Variants in NUBP2 observed in about 807,000 individuals in gnomAD.
The protein encoded by NUBP2 is NUBP iron-sulfur cluster assembly factor 2, cytosolic.
A neutral mutation model predicts 24.9 loss-of-function variants in NUBP2; 23 were observed. That is an observed-to-expected ratio of 0.92 (90% confidence interval 0.66 to 1.31). The LOEUF (loss-of-function observed/expected upper bound fraction) is 1.31. Among genes scored for constraint, NUBP2 ranks in the 50% most tolerant of loss-of-function variants. The pLI, the probability that NUBP2 is intolerant of heterozygous loss-of-function variation, is 0.00. For synonymous variants in NUBP2, 186 were observed against 170.9 expected, an observed-to-expected ratio of 1.09 and a Z score of -0.69; for missense variants, 403 against 386.5, an observed-to-expected ratio of 1.04 and a Z score of -0.36.
Position 1,788,814 on chromosome 16 carries a change from G to T in NUBP2, c.*100G>T. On this transcript the variant is annotated 3_prime_UTR_variant, in exon 7 of 7. Transcript: ENST00000262302. ...GGCTCGGTTCCCGGGCCCTGCAGGG[G>T]CAGGCCCAGGCAGCGTCAGCCGGAG... is the stretch of plus-strand genomic sequence containing the variant. 1 of 1,387,054 alleles carries T rather than the reference G, an allele frequency of 7.2e-7. No homozygotes were observed. Among genetic ancestry groups the T allele is most frequent in the Admixed American group, 2.7e-5 (1 of 37,646 alleles). 85.9% of individuals were successfully genotyped at this position (1,387,054 alleles called of 1,614,324 possible).
At chr16:1,786,042 A>G (rs1896950359) in intron 1 of NUBP2, 1 of 1,152,376 alleles carries the variant, frequency 8.7e-7, no homozygotes, top group South Asian at 1.6e-5. Flanking sequence ...CGCACATTGC[A>G]GGGACCGAGA....
rs552805402 is a variant in NUBP2 at position 1,785,595 on chromosome 16, A to G, written c.17-942A>G. 2.3e-5 allele frequency: 30 copies of G among 1,277,806 alleles called. No individual in the cohort carries two copies. In the African/African-American group the frequency reaches 4.6e-4, roughly 20 times the overall value. The allele number at this position is 1,277,806 out of a possible 1,614,324, so 79.2% of individuals were successfully genotyped here. ...AAGTCAGAACCCCTTTTATTGCCCC[A>G]GGGGTGACCGGGAGGCCGTGGTCTC... On this transcript the variant is annotated intron_variant, in intron 1 of 6. Coordinates refer to ENST00000262302, the MANE Select transcript of NUBP2 (RefSeq NM_012225.4).
At chr16:1,783,372 C>T (rs1378918298) in intron 1 of NUBP2, 1 of 1,083,584 alleles carries the variant, frequency 9.2e-7, no homozygotes, top group Non-Finnish European at 1.1e-6. Context: ...TGCAACTGCA[C>T]CGCAGCCCGG....
chr16:1,783,020 G>C lies in NUBP2; in HGVS notation c.-1G>C. On this transcript the variant is annotated 5_prime_UTR_variant, in exon 1 of 7. Coordinates refer to ENST00000262302, the MANE Select transcript of NUBP2 (RefSeq NM_012225.4). The stretch of plus-strand genomic sequence containing the variant: ...AGCCGCGAGCTCCTGGAGGCGGCGG[G>C]ATGGAGGCGGCGGCCGGTGAGTGGC... The C allele has an allele frequency of 7.2e-7, 1 of 1,381,262 alleles. No homozygotes were observed. Among genetic ancestry groups the C allele is most frequent in the East Asian group, 3.1e-5 (1 of 32,306 alleles). The allele number at this position is 1,381,262 out of a possible 1,614,324, so 85.6% of individuals were successfully genotyped here. A position where few individuals can be genotyped will look rare whatever the true frequency, so the allele number is the denominator to read the frequency against.
chr16:1,788,543 G>A (rs1369424813), intron 6 of NUBP2, 26 bp from the exon 7 acceptor site: 12 of 1,579,238 alleles, frequency 7.6e-6, no homozygotes, highest in East Asian at 2.3e-5. Flanking sequence ...CGGACATGGC[G>A]CCACCGCCTC....
rs1449407086 is a variant in NUBP2 at position 1,788,079 on chromosome 16, G to A, written c.600+28G>A. 7 of 1,565,470 alleles carry A rather than the reference G, an allele frequency of 4.5e-6. No homozygotes were observed. In the East Asian group the frequency reaches 9.0e-5, roughly 20 times the overall value. On this transcript the variant is annotated intron_variant, in intron 5 of 6. Transcript: ENST00000262302. The stretch of plus-strand genomic sequence containing the variant: ...GAGTCCCGGGGGTTGCAGAGGGGGC[G>A]AGGCAGCACCTGGCCGGTGGGGGCT...
chr16:1,782,974 C>A lies in NUBP2; in HGVS notation c.-47C>A. The A allele has an allele frequency of 1.4e-6, 2 of 1,410,758 alleles. No individual in the cohort carries two copies. The highest frequency in any genetic ancestry group is 3.0e-5 in the Admixed American group (1 of 32,808). The allele number at this position is 1,410,758 out of a possible 1,614,324, so 87.4% of individuals were successfully genotyped here. On this transcript the variant is annotated 5_prime_UTR_variant, in exon 1 of 7. Transcript: ENST00000262302. ...TCGCTCTAGCTGGGAGGCTGACGGCCCGCGGGCGTAAGCGGACTGCAGCCG... is the reference window on the plus strand; with the variant it reads ...TCGCTCTAGCTGGGAGGCTGACGGCACGCGGGCGTAAGCGGACTGCAGCCG...
chr16:1,785,400 A>C lies in NUBP2; in HGVS notation c.17-1137A>C, dbSNP rs938730807. On this transcript the variant is annotated intron_variant, in intron 1 of 6. Transcript: ENST00000262302. ...CACACCAGACAGGCACCATTCCCCC[A>C]CCTCTGCCAACGAGGAGAGCCCCTG... 9 of 1,171,598 alleles carry C rather than the reference A, an allele frequency of 7.7e-6. No homozygotes were observed. In the African/African-American group the frequency reaches 1.3e-4, roughly 17 times the overall value. The allele number at this position is 1,171,598 out of a possible 1,614,324, so 72.6% of individuals were successfully genotyped here.
At chr16:1,787,529 C>T in intron 3 of NUBP2, 148 bp from the exon 4 acceptor site, 3 of 1,059,842 alleles carry the variant, frequency 2.8e-6, no homozygotes, top group Non-Finnish European at 4.2e-6. Flanking sequence ...CGGGCCAGGG[C>T]CTCCCGAGAG....
Position 1,783,035 on chromosome 16 carries a change from CGGTGAGTGGCGGGCCAG to C in NUBP2, c.16+4_16+20del. ...GAGGCGGCGGGATGGAGGCGGCGGC[CGGTGAGTGGCGGGCCAG>C]GGTGCGGAGCCGCTCCAGGGCCTCG... is the stretch of plus-strand genomic sequence containing the variant. On this transcript the variant is annotated splice_donor_variant and splice_donor_5th_base_variant and coding_sequence_variant and intron_variant, in exon 1 of 7. Coordinates refer to ENST00000262302, the MANE Select transcript of NUBP2 (RefSeq NM_012225.4). LOFTEE classifies it high-confidence loss of function. 1 of 1,359,796 alleles carries C rather than the reference CGGTGAGTGGCGGGCCAG, an allele frequency of 7.4e-7. No homozygotes were observed. The highest frequency in any genetic ancestry group is 9.5e-7 in the Non-Finnish European group (1 of 1,051,064). The allele number at this position is 1,359,796 out of a possible 1,614,324, so 84.2% of individuals were successfully genotyped here. A position where few individuals can be genotyped will look rare whatever the true frequency, so the allele number is the denominator to read the frequency against.
At chr16:1,785,952 C>CCT (rs1567234961) in intron 1 of NUBP2, 1 of 1,246,852 alleles carries the variant, frequency 8.0e-7, no homozygotes, top group Admixed American at 2.6e-5. Flanking sequence ...CAGCCCCTGC[C>CCT]GTGTGGCAGG....
At position 1,788,591 on chromosome 16, in the gene NUBP2, G is replaced by T; in HGVS notation, c.693G>T (p.Ala231=). The T allele has an allele frequency of 6.2e-7, 1 of 1,608,338 alleles. No individual in the cohort carries two copies. ...CAGGCTCCGTGCCCCTGGACCCTGC[G>T]CTCATGAGGACCCTGGAGGAGGGCC... is the stretch of plus-strand genomic sequence containing the variant. ...PFLGSVPLDP[A]LMRTLEEGHD... is the part of the protein sequence containing the mutation. Residue 231 remains alanine (A), a synonymous_variant, in exon 7 of 7, where the codon GCG becomes GCT. Coordinates refer to ENST00000262302, the MANE Select transcript of NUBP2 (RefSeq NM_012225.4).
At chr16:1,788,114 G>T (rs371752996) in intron 5 of NUBP2, 24 bp from the exon 6 acceptor site, 3 of 1,555,596 alleles carry the variant, frequency 1.9e-6, no homozygotes, top group Non-Finnish European at 2.6e-6. Context: ...TTTGGGCAGT[G>T]CTGGGCTCAC....
At chr16:1,787,561 A>G (rs1429395247) in intron 3 of NUBP2, 116 bp from the exon 4 acceptor site, 2 of 1,364,284 alleles carry the variant, frequency 1.5e-6, no homozygotes, top group Non-Finnish European at 2.0e-6. Flanking sequence ...GGCTGGTGGC[A>G]AGTGACACCT....
Position 1,782,987 on chromosome 16 carries a change from C to G in NUBP2, c.-34C>G. The G allele has an allele frequency of 7.1e-7, 1 of 1,405,294 alleles. No homozygotes were observed. The highest frequency in any genetic ancestry group is 9.3e-7 in the Non-Finnish European group (1 of 1,076,534). The allele number at this position is 1,405,294 out of a possible 1,614,324, so 87.1% of individuals were successfully genotyped here. On this transcript the variant is annotated 5_prime_UTR_variant, in exon 1 of 7. Coordinates refer to ENST00000262302, the MANE Select transcript of NUBP2 (RefSeq NM_012225.4). ...GAGGCTGACGGCCCGCGGGCGTAAG[C>G]GGACTGCAGCCGCGAGCTCCTGGAG... is the stretch of plus-strand genomic sequence containing the variant.
In NUBP2 at chr16:1,788,051, G is replaced by A. The variant is rs200434981; in HGVS notation, c.600G>A (p.Thr200=). 3.3e-5 allele frequency: 52 copies of A among 1,588,296 alleles called. No homozygotes were observed. Among genetic ancestry groups the A allele is most frequent in the African/African-American group, 1.1e-4 (8 of 73,386 alleles). The change falls in exon 5 of 7, where the codon ACG becomes ACA. Residue 200 remains threonine, a splice_region_variant and synonymous_variant. Transcript: ENST00000262302. ...GCGGCTTCACCTGCCCACACTGCAC[G>A]GTGAGTCCCGGGGGTTGCAGAGGGG... The part of the protein sequence containing the change: ...NMSGFTCPHC[T]ECTSVFSRGG...
chr16:1,786,025 CACTT>C (rs1896949062), intron 1 of NUBP2: 1 of 1,175,866 alleles, frequency 8.5e-7, no homozygotes, highest in Non-Finnish European at 1.1e-6. Context: ...CGGCTCCCCT[CACTT>C]ACCGCACATT....
intron 1 of NUBP2, chr16:1,784,094 G>A (rs1196462369): frequency 3.4e-6 from 3 of 888,492 alleles, no homozygotes; most frequent in Non-Finnish European, 4.0e-6. Context: ...ATTGATAGAA[G>A]CTTTTTTTTT....
chr16:1,787,276 T>G, intron 3 of NUBP2: 2 of 405,118 alleles, frequency 4.9e-6, no homozygotes, highest in Non-Finnish European at 8.9e-6. Context: ...GCAGGTGGCA[T>G]TAGACGCCCC....
Sources: gnomAD v4.1 joint callset for allele counts on GRCh38, gnomAD v4.1.1 for gene constraint, MANE v1.5 for transcripts, NCBI Gene and HGNC (gene_info 2026-07-23, HGNC 2026-07-21) for gene names.